The following HSPA4 variants were observed in gnomAD, a reference collection of about 807,000 sequenced individuals.
HSPA4 encodes heat shock 70 kDa protein 4.
HSPA4 carries 25 observed loss-of-function variants against 106.2 expected under a neutral mutation model. That is an observed-to-expected ratio of 0.24 (90% CI 0.17 to 0.33). The LOEUF (loss-of-function observed/expected upper bound fraction) is 0.33, where lower values mean the gene tolerates loss of function less well. HSPA4 is among the 10% of genes least tolerant of loss of function. The pLI is 1.00. For missense variants in HSPA4, 841 were observed against 996.0 expected (o/e 0.84, Z 2.10); for synonymous variants, 332 against 333.6 (o/e 1.00, Z 0.05).
intron 7 of HSPA4, among the ~76,000 whole-genome samples, chr5:133,085,616 C>T (rs923390159): frequency 2.0e-5 from 3 of 151,814 alleles, no homozygotes; most frequent in South Asian, 2.1e-4. Context: ...GCTGGGATTG[C>T]GCCACTGCAC....
chr5:133,101,553 T>C (rs1242673252), intron 16 of HSPA4: 14 of 446,562 alleles, frequency 3.1e-5, no homozygotes, highest in Non-Finnish European at 4.7e-5. Context: ...AGGTGACAAA[T>C]TGAAGCGATT....
intron 8 of HSPA4, among the ~76,000 whole-genome samples, chr5:133,087,940 C>T (rs919824248): frequency 2.0e-5 from 3 of 152,132 alleles, no homozygotes; most frequent in African/African-American, 7.2e-5. Flanking sequence ...TGTGTTTTAA[C>T]GTGGACTATG....
intron 7 of HSPA4, among the ~76,000 whole-genome samples, chr5:133,084,860 TGCAATG>T (rs1289352881): frequency 6.6e-5 from 10 of 151,916 alleles, no homozygotes; most frequent in Admixed American, 1.3e-4. Flanking sequence ...CAGGCTGGAG[TGCAATG>T]GGTTGATCAT....
Position 133,067,554 on chromosome 5 carries a change from A to G in HSPA4, c.303A>G (p.Ile101Met). 6.2e-7 allele frequency: 1 copy of G among 1,611,682 alleles called. No individual in the cohort carries two copies. The highest frequency in any genetic ancestry group is 8.5e-7 in the Non-Finnish European group (1 of 1,178,878). ...AGTTGCCTACAGGATTAACAGGTAT[A>G]AAGGTAAGGTTGTCAGGTTAATGCC... ...IVQLPTGLTG[I>M]KVTYMEEERN... Residue 101 changes from isoleucine to methionine, a missense_variant, in exon 3 of 19, where the codon ATA becomes ATG. Transcript: ENST00000304858.
chr5:133,093,708 G>T (rs1297972205), intron 13 of HSPA4, among the ~76,000 whole-genome samples: 6 of 151,946 alleles, frequency 3.9e-5, no homozygotes, highest in Non-Finnish European at 5.9e-5. Context: ...CCAGGCTGGT[G>T]TTGAACTCCT....
chr5:133,063,452 C>T (rs562182390), intron 1 of HSPA4, among the ~76,000 whole-genome samples: 8 of 151,694 alleles, frequency 5.3e-5, no homozygotes, highest in South Asian at 2.1e-4. Context: ...GTTTTTGAGA[C>T]GGAGTCTCGC....
chr5:133,096,289 A>G, intron 14 of HSPA4, 39 bp downstream of exon 14: 2 of 1,574,784 alleles, frequency 1.3e-6, no homozygotes, highest in South Asian at 1.1e-5. Context: ...GAGCTAACAA[A>G]TTAATGTTAC....
rs772370629 is a variant in HSPA4 at position 133,074,025 on chromosome 5, C to A, written c.562C>A (p.Leu188Ile). 6.2e-7 allele frequency: 1 copy of A among 1,601,868 alleles called. No individual in the cohort carries two copies. Among genetic ancestry groups the A allele is most frequent in the East Asian group, 2.3e-5 (1 of 44,442 alleles). Residue 188 changes from leucine (L) to isoleucine (I), a missense_variant, in exon 6 of 19, where the codon CTT (leucine) becomes ATT (isoleucine). This residue lies in a region of HSPA4 where 347 missense variants were observed against 408.7 expected (regional missense o/e 0.85). Transcript: ENST00000304858. ...ALAYGIYKQDLPALEEKPRNV... is the reference protein window; with the variant it reads ...ALAYGIYKQDIPALEEKPRNV... Reference sequence around the variant, plus strand: ...TGCATATGGAATCTATAAGCAGGATCTTCCTGCCTTAGAAGAGAAACCAAG... The same window carrying A: ...TGCATATGGAATCTATAAGCAGGATATTCCTGCCTTAGAAGAGAAACCAAG...
Position 133,089,477 on chromosome 5 carries a change from G to A in HSPA4, c.1245-85G>A, listed in dbSNP as rs6871331. ...TTGAAAAGAGAGAGAAACTAACACT[G>A]TACAATAATTACAAACCTAGAACAC... On this transcript the variant is annotated intron_variant, in intron 10 of 18. Transcript: ENST00000304858. 0.039 allele frequency: 47,710 copies of A among 1,220,936 alleles called. 7,392 individuals carry two copies. The African/African-American group carries it at 0.4, about 10-fold the overall frequency. The allele number at this position is 1,220,936 out of a possible 1,614,324, so 75.6% of individuals were successfully genotyped here. A position where few individuals can be genotyped will look rare whatever the true frequency, so the allele number is the denominator to read the frequency against.
chr5:133,056,904 G>A (rs937567454), intron 1 of HSPA4, among the ~76,000 whole-genome samples: 2 of 151,672 alleles, frequency 1.3e-5, no homozygotes, highest in Non-Finnish European at 2.9e-5. Flanking sequence ...TTTTGCCATA[G>A]TGCTCAGAAT....
At position 133,089,173 on chromosome 5, in the gene HSPA4, A is replaced by G. The variant is rs991820039; in HGVS notation, c.1244+12A>G. ...GAAGAAGGGTCAAGGTATCATGTTT[A>G]TTAATCATTTACATATCTAAAGTTA... On this transcript the variant is annotated intron_variant, in intron 10 of 18. Transcript: ENST00000304858. 9.9e-6 allele frequency: 14 copies of G among 1,417,676 alleles called. No individual in the cohort carries two copies. Among genetic ancestry groups the G allele is most frequent in the Non-Finnish European group, 1.4e-5 (14 of 1,023,662 alleles). 87.8% of individuals were successfully genotyped at this position (1,417,676 alleles called of 1,614,324 possible).
intron 7 of HSPA4, among the ~76,000 whole-genome samples, chr5:133,085,938 A>G (rs1765573717): frequency 6.6e-6 from 1 of 152,212 alleles, no homozygotes; most frequent in Non-Finnish European, 1.5e-5. Context: ...GTACCATACT[A>G]ATGCAAGATG....
At chr5:133,095,785 T>C (rs530743387) in intron 13 of HSPA4, among the ~76,000 whole-genome samples, 14 of 152,322 alleles carry the variant, frequency 9.2e-5, no homozygotes, top group African/African-American at 2.9e-4. Context: ...GACATTGTGG[T>C]GTAACCAATC....
chr5:133,092,837 T>A, intron 13 of HSPA4, 48 bp downstream of exon 13: 2 of 750,412 alleles, frequency 2.7e-6, no homozygotes, highest in South Asian at 1.7e-5. Context: ...TTTTTTTTTT[T>A]TGAGACAGAG....
chr5:133,085,326 G>T (rs1420790742), intron 7 of HSPA4, among the ~76,000 whole-genome samples: 2 of 151,706 alleles, frequency 1.3e-5, no homozygotes, highest in Non-Finnish European at 2.9e-5. Flanking sequence ...CATACTGTAG[G>T]ATTCCAACTA....
intron 1 of HSPA4, 70 bp downstream of exon 1, chr5:133,052,427 C>A: frequency 1.8e-6 from 2 of 1,093,094 alleles, no homozygotes; most frequent in East Asian, 2.8e-5. Context: ...CTGGGACCCT[C>A]GCTGCTTGGG....
At position 133,106,219 on chromosome 5, in the gene HSPA4, G is replaced by A. The variant is rs576854498; in HGVS notation, c.*1783G>A. On this transcript the variant is annotated 3_prime_UTR_variant, in exon 19 of 19. Coordinates refer to ENST00000304858, the MANE Select transcript of HSPA4 (RefSeq NM_002154.4). ...ATTTCAAGTTGAAACACGATGATGT[G>A]GTCTGCTTGCTCTCTGCTTAGACAG... is the stretch of plus-strand genomic sequence containing the variant. 4 of 135,660 alleles carry A rather than the reference G, an allele frequency of 2.9e-5. No homozygotes were observed. The highest frequency in any genetic ancestry group is 2.4e-4 in the South Asian group (1 of 4,134). The allele number at this position is 135,660 out of a possible 1,614,324, so 8.4% of individuals were successfully genotyped here. A position where few individuals can be genotyped will look rare whatever the true frequency, so the allele number is the denominator to read the frequency against.
chr5:133,064,374 T>G (rs1237969137), intron 1 of HSPA4, among the ~76,000 whole-genome samples: 2 of 152,036 alleles, frequency 1.3e-5, no homozygotes, highest in Non-Finnish European at 2.9e-5. Flanking sequence ...GGCGTGATGG[T>G]GCATGCCTGT....
rs1765841549 is a variant in HSPA4, at chr5:133,105,176, A to G, written c.*740A>G. ...TTCAGAAGATTAGAATTGGGTAGAT[A>G]TACTGTTGGATATAGCCATGGTAAA... On this transcript the variant is annotated 3_prime_UTR_variant, in exon 19 of 19. Coordinates refer to ENST00000304858, the MANE Select transcript of HSPA4 (RefSeq NM_002154.4). 6.6e-6 allele frequency: 1 copy of G among 152,224 alleles called. No individual in the cohort carries two copies. The highest frequency in any genetic ancestry group is 2.1e-4 in the South Asian group (1 of 4,838). The allele number at this position is 152,224 out of a possible 1,614,324, so 9.4% of individuals were successfully genotyped here.
Sources: allele counts gnomAD v4.1 joint callset (sites outside exome capture counted in the v4.1 genomes callset), GRCh38; gene constraint gnomAD v4.1.1; regional missense constraint gnomAD v4.1.1; transcripts MANE v1.5; gene names NCBI Gene and HGNC (gene_info 2026-07-23, HGNC 2026-07-21).